RPS6KA5: variants seen among roughly 807,000 people sequenced by gnomAD.
The protein encoded by RPS6KA5 is ribosomal protein S6 kinase A5.
Under a neutral mutation model 85.5 loss-of-function variants are expected in RPS6KA5, and 27 were observed. The observed-to-expected ratio is 0.32, with a 90% CI of 0.23 to 0.44. The LOEUF is 0.44. Among genes scored for constraint, RPS6KA5 ranks in the 20% least tolerant of loss-of-function variants. The probability of loss-of-function intolerance (pLI) is 1.00; values close to 1 mark genes in which losing one functional copy is unlikely to be tolerated. For missense variants in RPS6KA5, 811 were observed against 980.9 expected (o/e 0.83, Z 2.31); for synonymous variants, 334 against 348.2 (o/e 0.96, Z 0.46).
rs553069887 is a variant in RPS6KA5, at chr14:90,858,605, G to A, written c.*13469C>T. 1 of 152,164 alleles carries A rather than the reference G, an allele frequency of 6.6e-6. No homozygotes were observed. Among genetic ancestry groups the A allele is most frequent in the African/African-American group, 2.4e-5 (1 of 41,424 alleles). The allele number at this position is 152,164 out of a possible 1,614,324, so 9.4% of individuals were successfully genotyped here. ...CTGCAGCAGCAAGTGCTGCTGGCAA[G>A]TATTCTTGGGGCAAACAGGAAAAGG... is the stretch of plus-strand genomic sequence containing the variant. On this transcript the variant is annotated 3_prime_UTR_variant, in exon 17 of 17. Coordinates refer to ENST00000614987, the MANE Select transcript of RPS6KA5 (RefSeq NM_004755.4).
rs112135233 is a variant in RPS6KA5 at position 90,878,115 on chromosome 14, T to C, written c.1837-2755A>G. ...CCTATCACTTTGTGGGGTAACTCAA[T>C]ACAACTGTCCACATTGCTAAACCAT... On this transcript the variant is annotated intron_variant, in intron 14 of 16. Transcript: ENST00000614987. 4.8e-3 allele frequency among the ~76,000 whole-genome samples: 728 copies of C among 152,342 alleles called. 6 individuals carry two copies. The highest frequency in any genetic ancestry group is 0.017 in the African/African-American group (690 of 41,582).
intron 3 of RPS6KA5, among the ~76,000 whole-genome samples, chr14:90,976,633 T>C (rs2039582846): frequency 6.6e-6 from 1 of 152,074 alleles, no homozygotes; most frequent in Non-Finnish European, 1.5e-5. Context: ...ACTGAAGACA[T>C]ATATATCAAA....
intron 14 of RPS6KA5, among the ~76,000 whole-genome samples, chr14:90,880,703 G>GT (rs1419977401): frequency 6.6e-6 from 1 of 152,050 alleles, no homozygotes; most frequent in African/African-American, 2.4e-5. Flanking sequence ...AGTTCTGTCA[G>GT]TTTTTGCTTC....
At chr14:90,907,486 CTCAA>C (rs1473564263) in intron 7 of RPS6KA5, among the ~76,000 whole-genome samples, 10 of 152,266 alleles carry the variant, frequency 6.6e-5, no homozygotes, top group East Asian at 5.8e-4. Context: ...ATAGCAAATG[CTCAA>C]TCAATGTGAG....
intron 1 of RPS6KA5, among the ~76,000 whole-genome samples, chr14:91,015,947 C>T (rs893863109): frequency 1.8e-4 from 28 of 152,316 alleles, no homozygotes; most frequent in Middle Eastern, 3.4e-3. Context: ...CTCATTCTAA[C>T]TGTTTAATCA....
At chr14:90,880,043 C>T (rs953272265) in intron 14 of RPS6KA5, among the ~76,000 whole-genome samples, 2 of 152,262 alleles carry the variant, frequency 1.3e-5, no homozygotes, top group Non-Finnish European at 2.9e-5. Flanking sequence ...TTGTGATCTA[C>T]CCGCCTTGGC....
At chr14:91,029,967 T>A (rs79862890) in intron 1 of RPS6KA5, among the ~76,000 whole-genome samples, 2 of 152,020 alleles carry the variant, frequency 1.3e-5, no homozygotes, top group African/African-American at 4.8e-5. Flanking sequence ...AACCCTAAGC[T>A]AAAATGCATG....
chr14:90,904,050 C>T (rs138757681), intron 8 of RPS6KA5, among the ~76,000 whole-genome samples: 1,527 of 151,946 alleles, frequency 0.01, 15 homozygotes, highest in South Asian at 0.026. Flanking sequence ...CCTGAGTTCA[C>T]GCCATTCTCC....
chr14:91,013,683 G>T (rs1250862902), intron 1 of RPS6KA5, among the ~76,000 whole-genome samples: 1 of 152,206 alleles, frequency 6.6e-6, no homozygotes, highest in Non-Finnish European at 1.5e-5. Context: ...TCTAAAGAAG[G>T]CAAAGGAGAG....
chr14:90,991,701 CAA>C (rs57545603), intron 2 of RPS6KA5, among the ~76,000 whole-genome samples: 202 of 86,006 alleles, frequency 2.3e-3, no homozygotes, highest in Middle Eastern at 6.8e-3. Context: ...GACTCCATCT[CAA>C]AAAAAAAAAA....
chr14:90,853,744 A>C lies in RPS6KA5; in HGVS notation c.*18330T>G, dbSNP rs1473383515. The C allele has an allele frequency of 6.6e-6, 1 of 151,998 alleles. No homozygotes were observed. The highest frequency in any genetic ancestry group is 1.5e-5 in the Non-Finnish European group (1 of 68,000). The allele number at this position is 151,998 out of a possible 1,614,324, so 9.4% of individuals were successfully genotyped here. On this transcript the variant is annotated 3_prime_UTR_variant, in exon 17 of 17. Transcript: ENST00000614987. Reference sequence around the variant, plus strand: ...TAAATCAAAATCGTAACCATCTTGAAAGCTAAATTAAAATAATCCTGGAGC... The same window carrying C: ...TAAATCAAAATCGTAACCATCTTGACAGCTAAATTAAAATAATCCTGGAGC...
intron 3 of RPS6KA5, among the ~76,000 whole-genome samples, chr14:90,970,272 G>T (rs1220194974): frequency 6.6e-6 from 1 of 152,172 alleles, no homozygotes; most frequent in Non-Finnish European, 1.5e-5. Flanking sequence ...AGTGTTTTCA[G>T]TTACTGTCTG....
At chr14:90,898,567 C>T (rs185557302) in intron 12 of RPS6KA5, among the ~76,000 whole-genome samples, 12 of 152,344 alleles carry the variant, frequency 7.9e-5, no homozygotes, top group Middle Eastern at 6.8e-3. Flanking sequence ...TATGAACATT[C>T]AAAATCTCAG....
intron 1 of RPS6KA5, among the ~76,000 whole-genome samples, chr14:91,059,296 T>C (rs182798823): frequency 6.8e-6 from 1 of 147,232 alleles, no homozygotes; most frequent in East Asian, 2.0e-4. Context: ...GCCGAGATCA[T>C]GCCACTGCAC....
At chr14:91,006,191 G>A (rs746743835) in intron 1 of RPS6KA5, among the ~76,000 whole-genome samples, 2 of 152,154 alleles carry the variant, frequency 1.3e-5, no homozygotes, top group Non-Finnish European at 2.9e-5. Context: ...GACTCACTGT[G>A]TTAAAAGATC....
At chr14:90,890,407 G>T (rs560499474) in intron 14 of RPS6KA5, 80 bp downstream of exon 14, 5 of 1,246,460 alleles carry the variant, frequency 4.0e-6, no homozygotes, top group Non-Finnish European at 4.3e-6. Flanking sequence ...ATGAATGTAA[G>T]GAAACAGTGA....
At chr14:91,022,227 T>C (rs561885240) in intron 1 of RPS6KA5, among the ~76,000 whole-genome samples, 21 of 152,258 alleles carry the variant, frequency 1.4e-4, no homozygotes, top group Admixed American at 6.5e-4. Context: ...ACTTGTTTAC[T>C]GATTGAAGTC....
chr14:90,947,311 C>T, intron 4 of RPS6KA5, 124 bp downstream of exon 4: 2 of 570,262 alleles, frequency 3.5e-6, no homozygotes, highest in Admixed American at 3.1e-5. Flanking sequence ...TGGTAATGTT[C>T]TATAAGTATG....
chr14:90,866,507 T>G lies in RPS6KA5; in HGVS notation c.*5567A>C, dbSNP rs562537282. 1.3e-5 allele frequency: 2 copies of G among 152,322 alleles called. No homozygotes were observed. The highest frequency in any genetic ancestry group is 3.9e-4 in the East Asian group (2 of 5,174). 9.4% of individuals were successfully genotyped at this position (152,322 alleles called of 1,614,324 possible). On this transcript the variant is annotated 3_prime_UTR_variant, in exon 17 of 17. Coordinates refer to ENST00000614987, the MANE Select transcript of RPS6KA5 (RefSeq NM_004755.4). ...CATTTGAGCTGAGGCTTGGCTATACTTTTAATTGTCCACATAGAATAGAGG... is the reference window on the plus strand; with the variant it reads ...CATTTGAGCTGAGGCTTGGCTATACGTTTAATTGTCCACATAGAATAGAGG...
Sources: allele counts gnomAD v4.1 joint callset (sites outside exome capture counted in the v4.1 genomes callset), GRCh38; gene constraint gnomAD v4.1.1; transcripts MANE v1.5; gene names NCBI Gene and HGNC (gene_info 2026-07-23, HGNC 2026-07-21).